The following PCSK5 variants were observed in gnomAD, a reference collection of about 807,000 sequenced individuals.
PCSK5 encodes the protein proprotein convertase subtilisin/kexin type 5, also known as prohormone convertase 5.
Under a neutral mutation model 233.2 loss-of-function variants are expected in PCSK5, and 129 were observed. That is an observed-to-expected ratio of 0.55 (90% CI 0.48 to 0.64). PCSK5 has a LOEUF of 0.64. Among genes scored for constraint, PCSK5 ranks in the 30% least tolerant of loss-of-function variants. The probability of loss-of-function intolerance (pLI) is 0.00; values close to 1 mark genes in which losing one functional copy is unlikely to be tolerated. For missense variants in PCSK5, 2,076 were observed against 2,430.1 expected (o/e 0.85, Z 3.06); for synonymous variants, 825 against 879.2 (o/e 0.94, Z 1.09).
intron 1 of PCSK5, among the ~76,000 whole-genome samples, chr9:75,907,203 C>T (rs78293224): frequency 1.3e-4 from 20 of 149,370 alleles, no homozygotes; most frequent in African/African-American, 2.5e-4. Flanking sequence ...TTTTTTTTTT[C>T]GGTCTACAGG....
chr9:76,015,628 A>G (rs998008204), intron 3 of PCSK5, among the ~76,000 whole-genome samples: 1 of 152,200 alleles, frequency 6.6e-6, no homozygotes, highest in African/African-American at 2.4e-5. Flanking sequence ...TTCATTGAAA[A>G]GAATGTTCAG....
chr9:76,322,920 G>T, intron 31 of PCSK5, 132 bp from the exon 32 acceptor site: 1 of 622,446 alleles, frequency 1.6e-6, no homozygotes, highest in Non-Finnish European at 2.9e-6. Flanking sequence ...TGCCCTGGCA[G>T]GGTGGGTAAA....
At chr9:76,193,208 C>A (rs779024848) in intron 20 of PCSK5, 8 of 1,607,882 alleles carry the variant, frequency 5.0e-6, no homozygotes, top group South Asian at 1.1e-5. Context: ...TCTTCAACTC[C>A]CCTTCTCTCT....
intron 20 of PCSK5, chr9:76,194,187 G>GTT (rs1824572856): frequency 6.6e-6 from 1 of 152,248 alleles, no homozygotes; most frequent in African/African-American, 2.4e-5. Flanking sequence ...AATTCAGAGT[G>GTT]TTAACTTTGT....
chr9:76,332,310 C>A, intron 33 of PCSK5, 123 bp from the exon 34 acceptor site: 1 of 654,076 alleles, frequency 1.5e-6, no homozygotes, highest in Admixed American at 2.9e-5. Context: ...CATCAGCTCA[C>A]AGGATCATCC....
At chr9:76,323,367 T>C in intron 32 of PCSK5, 79 bp downstream of exon 32, 1 of 805,676 alleles carries the variant, frequency 1.2e-6, no homozygotes. Flanking sequence ...AGCTGTCATC[T>C]CAATCTTTTT....
rs761124983 is a variant in PCSK5, at chr9:76,158,963, T to C, written c.1431-20T>C. The C allele has an allele frequency of 1.2e-6, 2 of 1,605,242 alleles. No individual in the cohort carries two copies. Among genetic ancestry groups the C allele is most frequent in the East Asian group, 4.5e-5 (2 of 44,704 alleles). ...TCTGTGATGTCATTTGCTCAAACTC[T>C]CCATCTCTCTCTGTTACAGGACAAT... On this transcript the variant is annotated intron_variant, in intron 11 of 37. Coordinates refer to ENST00000674117, the MANE Select transcript of PCSK5 (RefSeq NM_001372043.1).
intron 2 of PCSK5, among the ~76,000 whole-genome samples, chr9:75,968,009 G>T (rs1001764350): frequency 6.6e-6 from 1 of 152,126 alleles, no homozygotes; most frequent in African/African-American, 2.4e-5. Flanking sequence ...TGATCCGCCC[G>T]CCTGGGCCTC....
At chr9:76,313,522 G>A (rs1371429950) in intron 30 of PCSK5, among the ~76,000 whole-genome samples, 1 of 151,892 alleles carries the variant, frequency 6.6e-6, no homozygotes, top group Non-Finnish European at 1.5e-5. Context: ...CCTATAAATG[G>A]GATTATATAA....
intron 12 of PCSK5, among the ~76,000 whole-genome samples, chr9:76,164,497 T>A (rs1347849921): frequency 6.6e-6 from 1 of 152,208 alleles, no homozygotes; most frequent in Non-Finnish European, 1.5e-5. Flanking sequence ...TAACTCTTAT[T>A]TACACAGTGC....
At chr9:76,066,410 A>G (rs1188916115) in intron 5 of PCSK5, among the ~76,000 whole-genome samples, 1 of 152,164 alleles carries the variant, frequency 6.6e-6, no homozygotes, top group Non-Finnish European at 1.5e-5. Flanking sequence ...CAATTTGACA[A>G]CATACTCTCT....
intron 5 of PCSK5, among the ~76,000 whole-genome samples, chr9:76,050,656 C>G (rs1213294103): frequency 6.6e-6 from 1 of 152,272 alleles, no homozygotes; most frequent in African/African-American, 2.4e-5. Context: ...ACACCTTGTA[C>G]GTAAACCTTG....
At chr9:76,341,429 A>G (rs906027912) in intron 35 of PCSK5, among the ~76,000 whole-genome samples, 1 of 152,192 alleles carries the variant, frequency 6.6e-6, no homozygotes, top group Non-Finnish European at 1.5e-5. Context: ...TGTTCTAATT[A>G]TTGATCATGT....
chr9:75,959,447 G>T (rs2131340384), intron 2 of PCSK5, among the ~76,000 whole-genome samples: 1 of 152,252 alleles, frequency 6.6e-6, no homozygotes, highest in Middle Eastern at 3.4e-3. Flanking sequence ...GCTCCACCTT[G>T]CATGGGTTAA....
At chr9:76,209,160 A>G (rs1372727272) in intron 20 of PCSK5, among the ~76,000 whole-genome samples, 2 of 152,186 alleles carry the variant, frequency 1.3e-5, no homozygotes, top group Non-Finnish European at 2.9e-5. Context: ...ACTAAAAGCA[A>G]AATTACTGTA....
At chr9:76,351,521 A>AAGG (rs1564196908) in intron 36 of PCSK5, among the ~76,000 whole-genome samples, 32 of 124,942 alleles carry the variant, frequency 2.6e-4, no homozygotes, top group Non-Finnish European at 3.6e-4. Context: ...AGAAAGAAAG[A>AAGG]AAGAAAGAAA....
chr9:76,139,622 C>T (rs1411954), intron 10 of PCSK5, among the ~76,000 whole-genome samples: 2 of 151,994 alleles, frequency 1.3e-5, no homozygotes. Context: ...AAATGTGCCC[C>T]CTGGAAATGC....
At chr9:76,082,884 G>A (rs1697974423) in intron 7 of PCSK5, among the ~76,000 whole-genome samples, 1 of 151,888 alleles carries the variant, frequency 6.6e-6, no homozygotes, top group African/African-American at 2.4e-5. Context: ...CTATATTAAG[G>A]TTACCAGTAT....
chr9:76,309,160 G>A (rs945906541), intron 29 of PCSK5, among the ~76,000 whole-genome samples: 4 of 152,110 alleles, frequency 2.6e-5, no homozygotes, highest in African/African-American at 9.7e-5. Context: ...CAAGGCTGCA[G>A]TGAACCATGA....
Sources: gnomAD v4.1 joint callset for allele counts (sites outside exome capture counted in the v4.1 genomes callset) on GRCh38, gnomAD v4.1.1 for gene constraint, MANE v1.5 for transcripts, NCBI Gene and HGNC (gene_info 2026-07-23, HGNC 2026-07-21) for gene names.